Variants in STING1 observed in about 807,000 individuals in gnomAD.
The protein encoded by STING1 is stimulator of interferon response cGAMP interactor 1.
A neutral mutation model predicts 31.6 loss-of-function variants in STING1; 19 were observed. The observed-to-expected ratio is 0.60, with a 90% CI of 0.42 to 0.88. The LOEUF (loss-of-function observed/expected upper bound fraction) is 0.88. STING1 is among the 40% of genes least tolerant of loss of function. The pLI is 0.00. For missense variants in STING1, 371 were observed against 483.7 expected (o/e 0.77, Z 2.19); for synonymous variants, 200 against 208.6 (o/e 0.96, Z 0.35).
At chr5:139,477,293 C>T (rs1751690805) in intron 7 of STING1, 36 bp downstream of exon 7, 19 of 1,604,500 alleles carry the variant, frequency 1.2e-5, no homozygotes, top group Non-Finnish European at 1.5e-5. Context: ...CTCCTGCCCT[C>T]CAGCCTATCA....
intron 5 of STING1, chr5:139,478,740 T>C: frequency 1.9e-6 from 1 of 513,592 alleles, no homozygotes. Flanking sequence ...CAGATGTCTA[T>C]GTCAGCGCCA....
chr5:139,481,862 A>C lies in STING1; in HGVS notation c.1-158T>G, dbSNP rs1751863709. The C allele has an allele frequency of 1.6e-6, 1 of 624,156 alleles. No individual in the cohort carries two copies. The highest frequency in any genetic ancestry group is 3.0e-5 in the Admixed American group (1 of 33,768). 38.7% of individuals were successfully genotyped at this position (624,156 alleles called of 1,614,324 possible). A position where few individuals can be genotyped will look rare whatever the true frequency, so the allele number is the denominator to read the frequency against. On this transcript the variant is annotated intron_variant, in intron 2 of 7. Transcript: ENST00000330794. This position sits in a 1 kb window ranked among gnomAD's most constrained non-coding sequence, Gnocchi z 4.1. ...AGACACCTCTAGGAGGCAGGCTGGG[A>C]ATAAGTCACCCCAAAGCTCCTGTCT... is the stretch of plus-strand genomic sequence containing the variant.
At chr5:139,478,693 T>C (rs2152093685) in intron 5 of STING1, 185 bp from the exon 6 acceptor site, 2 of 612,992 alleles carry the variant, frequency 3.3e-6, no homozygotes, top group East Asian at 5.5e-5. Flanking sequence ...CCCCTCCTCT[T>C]ACTGCACCAC....
At position 139,478,497 on chromosome 5, in the gene STING1, G is replaced by A. The variant is rs1240603758; in HGVS notation, c.532C>T (p.Arg178Trp). The A allele has an allele frequency of 6.8e-6, 11 of 1,613,818 alleles. No homozygotes were observed. The highest frequency in any genetic ancestry group is 6.7e-5 in the Admixed American group (4 of 59,994). The change falls in exon 6 of 8, where the codon CGG becomes TGG. Residue 178 changes from arginine to tryptophan, a missense_variant. Physicochemically the swap from Arg to Trp is moderately radical, Grantham distance 101 (BLOSUM62 -3). Transcript: ENST00000330794. Reference protein sequence around the residue: ...LRLILPELQARIRTYNQHYNN... With the variant: ...LRLILPELQAWIRTYNQHYNN... ...TAATGCTGATTGTAAGTTCGAATCC[G>A]GGCCTGGAGCTCTGAGGCAGGGAAG...
chr5:139,479,563 G>A (rs1313506782), intron 5 of STING1, among the ~76,000 whole-genome samples: 2 of 151,100 alleles, frequency 1.3e-5, no homozygotes, highest in African/African-American at 2.4e-5. Flanking sequence ...TTAGCCGGGC[G>A]TGGTGGCAGG....
In STING1 at chr5:139,476,291, C is replaced by T. The variant is rs766506666; in HGVS notation, c.1110G>A (p.Lys370=). 74 of 1,602,670 alleles carry T rather than the reference C, an allele frequency of 4.6e-5. No individual in the cohort carries two copies. Among genetic ancestry groups the T allele is most frequent in the Non-Finnish European group, 6.2e-5 (73 of 1,175,188 alleles). Residue 370 remains lysine, a synonymous_variant, in exon 8 of 8, where the codon AAG becomes AAA. Transcript: ENST00000330794. ...EPELLISGME[K]PLPLRTDFS is the part of the protein sequence containing the mutation. Reference sequence around the variant, plus strand: ...AGAAATCCGTGCGGAGAGGGAGGGGCTTTTCCATTCCACTGATGAGGAGCT... The same window carrying T: ...AGAAATCCGTGCGGAGAGGGAGGGGTTTTTCCATTCCACTGATGAGGAGCT...
intron 6 of STING1, among the ~76,000 whole-genome samples, chr5:139,477,909 C>T (rs1751710949): frequency 6.6e-6 from 1 of 152,168 alleles, no homozygotes; most frequent in African/African-American, 2.4e-5. Flanking sequence ...TCTGGGGCAG[C>T]TTTATGGTCA....
At chr5:139,478,225 G>T in intron 6 of STING1, 45 bp downstream of exon 6, 2 of 1,458,694 alleles carry the variant, frequency 1.4e-6, no homozygotes, top group Non-Finnish European at 1.9e-6. Flanking sequence ...AGGGTTCTGG[G>T]GTCCTGACCC....
In STING1 at chr5:139,481,459, G is replaced by C. The variant is rs1751845982; in HGVS notation, c.227+19C>G. ...GACACACGTTGGATACCCCGTCCCT[G>C]GGTACTGCAGTGAGTCACCTGGAGT... On this transcript the variant is annotated intron_variant, in intron 3 of 7. Coordinates refer to ENST00000330794, the MANE Select transcript of STING1 (RefSeq NM_198282.4). The surrounding 1 kb of genome is among the most constrained non-coding windows in gnomAD (Gnocchi z 4.1). 6.2e-7 allele frequency: 1 copy of C among 1,609,758 alleles called. No homozygotes were observed.
In STING1 at chr5:139,478,260, G is replaced by A; in HGVS notation, c.759+10C>T. On this transcript the variant is annotated intron_variant, in intron 6 of 7. Transcript: ENST00000330794. ...CCTCCTCAGAGACCCCCACTCCCCTGCACACTTACCCGCTGCCCGTTCTCC... is the reference window on the plus strand; with the variant it reads ...CCTCCTCAGAGACCCCCACTCCCCTACACACTTACCCGCTGCCCGTTCTCC... 1 of 1,605,430 alleles carries A rather than the reference G, an allele frequency of 6.2e-7. No individual in the cohort carries two copies. The highest frequency in any genetic ancestry group is 8.5e-7 in the Non-Finnish European group (1 of 1,174,128).
intron 5 of STING1, 84 bp from the exon 6 acceptor site, chr5:139,478,592 C>T (rs1343856535): frequency 6.6e-6 from 8 of 1,209,432 alleles, no homozygotes; most frequent in Middle Eastern, 2.0e-4. Flanking sequence ...CATTGGCCCC[C>T]GCAGTGTGTG....
In STING1 at chr5:139,481,411, G is replaced by A. The variant is rs979188372; in HGVS notation, c.227+67C>T. 3 of 1,587,578 alleles carry A rather than the reference G, an allele frequency of 1.9e-6. No individual in the cohort carries two copies. The highest frequency in any genetic ancestry group is 2.3e-5 in the South Asian group (2 of 86,636). On this transcript the variant is annotated intron_variant, in intron 3 of 7. Coordinates refer to ENST00000330794, the MANE Select transcript of STING1 (RefSeq NM_198282.4). The surrounding 1 kb of genome is among the most constrained non-coding windows in gnomAD (Gnocchi z 4.1). ...CTCAGCCAGAGAGGTTCAAGGAGGG[G>A]CAGGGCTAGGCATCAAGGGAGTGAC...
rs1215030543 is a variant in STING1 at position 139,476,297 on chromosome 5, C to T, written c.1104G>A (p.Met368Ile). 2.5e-6 allele frequency: 4 copies of T among 1,606,458 alleles called. No homozygotes were observed. Among genetic ancestry groups the T allele is most frequent in the Non-Finnish European group, 3.4e-6 (4 of 1,176,986 alleles). The change falls in exon 8 of 8, where the codon ATG becomes ATA. Residue 368 changes from methionine to isoleucine, a missense_variant. Coordinates refer to ENST00000330794, the MANE Select transcript of STING1 (RefSeq NM_198282.4). Reference protein sequence around the residue: ...SQEPELLISGMEKPLPLRTDF... With the variant: ...SQEPELLISGIEKPLPLRTDF... ...CCGTGCGGAGAGGGAGGGGCTTTTC[C>T]ATTCCACTGATGAGGAGCTCAGGCT...
intron 5 of STING1, chr5:139,478,843 T>G: frequency 3.5e-6 from 1 of 283,658 alleles, no homozygotes; most frequent in Non-Finnish European, 6.9e-6. Context: ...GGGAGGCCTC[T>G]AGCCCCAGAT....
chr5:139,481,006 C>A lies in STING1; in HGVS notation c.412-108G>T. On this transcript the variant is annotated intron_variant, in intron 4 of 7. Coordinates refer to ENST00000330794, the MANE Select transcript of STING1 (RefSeq NM_198282.4). This position sits in a 1 kb window ranked among gnomAD's most constrained non-coding sequence, Gnocchi z 4.1. The stretch of plus-strand genomic sequence containing the variant: ...TGCTCCTGACTTGATCCCTCTTTTG[C>A]CATTGCCAAACCCACTGTTCCAGGA... 1 of 1,201,142 alleles carries A rather than the reference C, an allele frequency of 8.3e-7. No individual in the cohort carries two copies. The highest frequency in any genetic ancestry group is 1.3e-5 in the South Asian group (1 of 78,316). 74.4% of individuals were successfully genotyped at this position (1,201,142 alleles called of 1,614,324 possible). A position where few individuals can be genotyped will look rare whatever the true frequency, so the allele number is the denominator to read the frequency against.
intron 2 of STING1, 191 bp downstream of exon 2, chr5:139,482,019 C>T: frequency 3.6e-6 from 1 of 278,880 alleles, no homozygotes; most frequent in Admixed American, 4.9e-5. Flanking sequence ...TCCTGTGCAG[C>T]CGTACCCAAC....
chr5:139,479,698 T>A (rs192784390), intron 5 of STING1, among the ~76,000 whole-genome samples: 10 of 143,196 alleles, frequency 7.0e-5, no homozygotes, highest in African/African-American at 2.6e-4. Flanking sequence ...TGAAACTCCA[T>A]CTTAAAAAAA....
chr5:139,480,288 T>TGTA (rs1471233308), intron 5 of STING1, among the ~76,000 whole-genome samples: 6 of 152,344 alleles, frequency 3.9e-5, no homozygotes, highest in African/African-American at 1.4e-4. Flanking sequence ...GGCTCACGCC[T>TGTA]GTAATCCCAG....
intron 7 of STING1, 47 bp from the exon 8 acceptor site, chr5:139,476,501 C>G: frequency 6.4e-7 from 1 of 1,556,922 alleles, no homozygotes; most frequent in Middle Eastern, 2.3e-4. Context: ...CTTACCCATT[C>G]CCACTCAAAC....
Sources: allele counts gnomAD v4.1 joint callset (sites outside exome capture counted in the v4.1 genomes callset), GRCh38; gene constraint gnomAD v4.1.1; non-coding constraint Gnocchi (gnomAD v3.1); transcripts MANE v1.5; gene names NCBI Gene and HGNC (gene_info 2026-07-23, HGNC 2026-07-21).